Variants in STXBP6 observed in about 807,000 individuals in gnomAD.
STXBP6 encodes the protein syntaxin-binding protein 6.
A neutral mutation model predicts 26.9 loss-of-function variants in STXBP6; 21 were observed. The ratio of observed to expected loss-of-function variants is 0.78; its 90% CI spans 0.55 to 1.12. The LOEUF (loss-of-function observed/expected upper bound fraction) is 1.12. STXBP6 is among the 50% of genes most tolerant of loss of function. The probability of loss-of-function intolerance (pLI) is 0.00; values close to 1 mark genes in which losing one functional copy is unlikely to be tolerated. For synonymous variants in STXBP6, 97 were observed against 92.6 expected (o/e 1.05, Z -0.27); for missense variants, 232 against 257.9 (o/e 0.90, Z 0.69).
chr14:25,003,844 G>C (rs2074825810), intron 1 of STXBP6, among the ~76,000 whole-genome samples: 1 of 152,236 alleles, frequency 6.6e-6, no homozygotes, highest in Admixed American at 6.5e-5. Flanking sequence ...AATGGCAGCA[G>C]GAAATGATGT....
chr14:24,878,741 CG>C, intron 2 of STXBP6: 1 of 444,360 alleles, frequency 2.3e-6, no homozygotes, highest in Non-Finnish European at 4.5e-6. Flanking sequence ...CCATAACACA[CG>C]TTTCATCCTC....
intron 1 of STXBP6, among the ~76,000 whole-genome samples, chr14:25,013,563 C>T (rs1353361470): frequency 6.6e-6 from 1 of 151,070 alleles, no homozygotes; most frequent in African/African-American, 2.4e-5. Flanking sequence ...GTACTTTTGA[C>T]AAAAAATTGA....
chr14:24,869,741 T>C (rs534888950), intron 2 of STXBP6, among the ~76,000 whole-genome samples: 89 of 152,230 alleles, frequency 5.8e-4, no homozygotes, highest in African/African-American at 2.1e-3. Flanking sequence ...CACGGTATCT[T>C]CCCCTCCCTC....
intron 2 of STXBP6, among the ~76,000 whole-genome samples, chr14:24,914,322 C>T (rs2071677988): frequency 6.6e-6 from 1 of 152,108 alleles, no homozygotes; most frequent in South Asian, 2.1e-4. Context: ...ATTTTATATA[C>T]TCTCAATCAC....
At chr14:24,849,535 T>C (rs2139106938) in intron 4 of STXBP6, among the ~76,000 whole-genome samples, 1 of 152,254 alleles carries the variant, frequency 6.6e-6, no homozygotes, top group Admixed American at 6.5e-5. Context: ...AAACATCAGC[T>C]GTATCTCTTA....
intron 2 of STXBP6, among the ~76,000 whole-genome samples, chr14:24,904,521 C>T (rs572519011): frequency 7.2e-5 from 11 of 152,272 alleles, no homozygotes; most frequent in African/African-American, 2.6e-4. Context: ...CCCAAAAATT[C>T]AGCCTTTGAA....
intron 1 of STXBP6, among the ~76,000 whole-genome samples, chr14:25,032,785 G>C (rs1002678328): frequency 6.6e-6 from 1 of 152,188 alleles, no homozygotes; most frequent in African/African-American, 2.4e-5. Flanking sequence ...TCATCATACA[G>C]ATAGATAAAC....
At chr14:25,037,132 C>T (rs535341660) in intron 1 of STXBP6, among the ~76,000 whole-genome samples, 197 of 152,280 alleles carry the variant, frequency 1.3e-3, no homozygotes, top group Non-Finnish European at 1.7e-3. Flanking sequence ...CTCCAAAGAT[C>T]AGCAGGACCG....
At chr14:24,945,328 C>G (rs926076408) in intron 2 of STXBP6, among the ~76,000 whole-genome samples, 1 of 151,616 alleles carries the variant, frequency 6.6e-6, no homozygotes, top group African/African-American at 2.4e-5. Flanking sequence ...CCTGTAATCC[C>G]AGCACTTTGG....
At chr14:24,875,520 G>A (rs1470878760) in intron 2 of STXBP6, among the ~76,000 whole-genome samples, 1 of 152,128 alleles carries the variant, frequency 6.6e-6, no homozygotes, top group African/African-American at 2.4e-5. Flanking sequence ...GTTGGGGTGG[G>A]GTAGCAAGGG....
chr14:25,049,035 G>T lies in STXBP6; in HGVS notation c.-33+843C>A. On this transcript the variant is annotated intron_variant, in intron 1 of 5. Coordinates refer to ENST00000323944, the MANE Select transcript of STXBP6 (RefSeq NM_001394410.1). The surrounding 1 kb of genome is among the most constrained non-coding windows in gnomAD (Gnocchi z 5.6). Reference sequence around the variant, plus strand: ...AGAAGGTTCGTTATGAAATCCTGGGGCCAGAACCAAGGGCAGATACACCCC... The same window carrying T: ...AGAAGGTTCGTTATGAAATCCTGGGTCCAGAACCAAGGGCAGATACACCCC... The T allele has an allele frequency of 2.2e-6, 1 of 460,400 alleles. No individual in the cohort carries two copies. The highest frequency in any genetic ancestry group is 2.9e-6 in the Non-Finnish European group (1 of 350,076). The allele number at this position is 460,400 out of a possible 1,614,324, so 28.5% of individuals were successfully genotyped here.
intron 1 of STXBP6, chr14:24,987,769 T>G: frequency 1.6e-4 from 144 of 886,846 alleles, no homozygotes; most frequent in Non-Finnish European, 1.8e-4. Flanking sequence ...TTTCCCACTG[T>G]GAGGTGTTGT....
chr14:24,832,312 T>C (rs766392845), intron 4 of STXBP6, among the ~76,000 whole-genome samples: 26 of 152,238 alleles, frequency 1.7e-4, no homozygotes, highest in Non-Finnish European at 3.2e-4. Context: ...TCTTTCTGAC[T>C]GTCTTGTGCT....
intron 1 of STXBP6, among the ~76,000 whole-genome samples, chr14:25,011,010 G>A (rs1341442673): frequency 4.0e-5 from 6 of 150,826 alleles, no homozygotes; most frequent in East Asian, 1.9e-4. Flanking sequence ...AAATCTAAAT[G>A]CAACTAATTA....
At chr14:25,015,939 A>C (rs1225050953) in intron 1 of STXBP6, among the ~76,000 whole-genome samples, 1 of 152,186 alleles carries the variant, frequency 6.6e-6, no homozygotes, top group Non-Finnish European at 1.5e-5. Flanking sequence ...TGAACTTTGA[A>C]CCAACTGCCA....
chr14:24,932,422 G>A (rs2072450727), intron 2 of STXBP6, among the ~76,000 whole-genome samples: 1 of 152,184 alleles, frequency 6.6e-6, no homozygotes, highest in Non-Finnish European at 1.5e-5. Flanking sequence ...TCAGGGAGCT[G>A]AAATGAAAAG....
At chr14:25,023,195 A>C (rs1292540871) in intron 1 of STXBP6, among the ~76,000 whole-genome samples, 1 of 152,178 alleles carries the variant, frequency 6.6e-6, no homozygotes, top group Non-Finnish European at 1.5e-5. Flanking sequence ...TGAACTTGGT[A>C]GAATTTTATC....
At chr14:24,933,314 C>G (rs1685810651) in intron 2 of STXBP6, among the ~76,000 whole-genome samples, 1 of 152,124 alleles carries the variant, frequency 6.6e-6, no homozygotes, top group African/African-American at 2.4e-5. Context: ...TGCACTCCAG[C>G]CTGAGTGACA....
intron 1 of STXBP6, among the ~76,000 whole-genome samples, chr14:25,037,833 C>A (rs879898180): frequency 6.6e-6 from 1 of 152,230 alleles, no homozygotes; most frequent in Non-Finnish European, 1.5e-5. Context: ...TGGTTTTACA[C>A]TTTCAAGTGG....
Sources: gnomAD v4.1 joint callset for allele counts (sites outside exome capture counted in the v4.1 genomes callset) on GRCh38, gnomAD v4.1.1 for gene constraint, Gnocchi (gnomAD v3.1) non-coding constraint, MANE v1.5 for transcripts, NCBI Gene and HGNC (gene_info 2026-07-23, HGNC 2026-07-21) for gene names.